The following GABRG3 variants were observed in gnomAD, a reference collection of about 807,000 sequenced individuals.
The protein encoded by GABRG3 is gamma-aminobutyric acid receptor subunit gamma-3.
GABRG3 carries 25 observed loss-of-function variants against 48.8 expected under a neutral mutation model. The ratio of observed to expected loss-of-function variants is 0.51; its 90% CI spans 0.37 to 0.72. GABRG3 has a LOEUF of 0.72. Among genes scored for constraint, GABRG3 ranks in the 30% least tolerant of loss-of-function variants. The probability of loss-of-function intolerance (pLI) is 0.00; values close to 1 mark genes in which losing one functional copy is unlikely to be tolerated. For missense variants in GABRG3, 394 were observed against 577.9 expected, an observed-to-expected ratio of 0.68 and a Z score of 3.26; for synonymous variants, 227 against 217.6, an observed-to-expected ratio of 1.04 and a Z score of -0.38.
intron 3 of GABRG3, among the ~76,000 whole-genome samples, chr15:27,109,167 T>C (rs899326799): frequency 2.0e-5 from 3 of 152,170 alleles, no homozygotes; most frequent in Non-Finnish European, 2.9e-5. Context: ...GGATATATAA[T>C]CTTTTTAATT....
chr15:26,979,144 T>A (rs1895005528), intron 2 of GABRG3, among the ~76,000 whole-genome samples: 1 of 152,234 alleles, frequency 6.6e-6, no homozygotes, highest in Non-Finnish European at 1.5e-5. Context: ...ATTTCTAATA[T>A]ACATAAATAC....
rs1463221805 is a variant in GABRG3, at chr15:27,180,994, T to C, written c.271-145815T>C. On this transcript the variant is annotated intron_variant, in intron 3 of 9. Transcript: ENST00000615808. The surrounding 1 kb of genome is among the most constrained non-coding windows in gnomAD (Gnocchi z 4.2). ...TTGTGCTGACTTCTTAGGAGGGCCG[T>C]AGTTCACAACTTCATGAGATGGCAC... Among the ~76,000 whole-genome samples, 1 of 152,152 alleles carries C rather than the reference T, an allele frequency of 6.6e-6. No individual in the cohort carries two copies. Among genetic ancestry groups the C allele is most frequent in the Admixed American group, 6.5e-5 (1 of 15,280 alleles).
At chr15:27,145,731 T>C (rs971483122) in intron 3 of GABRG3, among the ~76,000 whole-genome samples, 1 of 151,862 alleles carries the variant, frequency 6.6e-6, no homozygotes, top group African/African-American at 2.4e-5. Flanking sequence ...ATCTTCAAAC[T>C]TGATGAAAAC....
intron 3 of GABRG3, among the ~76,000 whole-genome samples, chr15:27,084,417 C>T (rs912789007): frequency 3.3e-5 from 5 of 152,212 alleles, no homozygotes; most frequent in African/African-American, 4.8e-5. Context: ...TTATTCTGCC[C>T]TGACCCTCAG....
intron 3 of GABRG3, among the ~76,000 whole-genome samples, chr15:27,032,626 T>C (rs1330340003): frequency 6.6e-6 from 1 of 152,140 alleles, no homozygotes; most frequent in Non-Finnish European, 1.5e-5. Flanking sequence ...TCTTGTGAAC[T>C]AACAGTGAGA....
chr15:27,520,191 C>A (rs1891125983), intron 7 of GABRG3, 67 bp downstream of exon 7: 2 of 1,374,908 alleles, frequency 1.5e-6, no homozygotes, highest in African/African-American at 1.5e-5. Context: ...ATAAAAAATA[C>A]CTTCAATGTA....
intron 3 of GABRG3, among the ~76,000 whole-genome samples, chr15:27,124,712 G>C (rs895605968): frequency 2.9e-4 from 44 of 152,286 alleles, no homozygotes; most frequent in African/African-American, 1.0e-3. Context: ...AGTAGACCCT[G>C]GGGGCAACAG....
chr15:27,009,940 A>C (rs1595470273), intron 2 of GABRG3, among the ~76,000 whole-genome samples: 1 of 146,600 alleles, frequency 6.8e-6, no homozygotes. Context: ...TTCTTTCTTC[A>C]TTCTTCTTTC....
At chr15:27,281,364 C>T (rs1346095913) in intron 3 of GABRG3, among the ~76,000 whole-genome samples, 1 of 151,650 alleles carries the variant, frequency 6.6e-6, no homozygotes, top group Admixed American at 6.6e-5. Context: ...GCCTGTTTTT[C>T]CAGATTAAAA....
intron 6 of GABRG3, among the ~76,000 whole-genome samples, chr15:27,513,007 G>A (rs975346588): frequency 6.6e-6 from 1 of 151,978 alleles, no homozygotes; most frequent in Non-Finnish European, 1.5e-5. Context: ...TATGATCTTG[G>A]ACCAAGTGAA....
intron 5 of GABRG3, among the ~76,000 whole-genome samples, chr15:27,381,550 C>T (rs1035370926): frequency 6.6e-6 from 1 of 152,220 alleles, no homozygotes; most frequent in African/African-American, 2.4e-5. Flanking sequence ...GAAGAGATTC[C>T]TGCTTGTGGG....
intron 3 of GABRG3, among the ~76,000 whole-genome samples, chr15:27,093,787 TA>T (rs1897231478): frequency 6.6e-6 from 1 of 152,062 alleles, no homozygotes; most frequent in South Asian, 2.1e-4. Context: ...CTTCAGAAGG[TA>T]TTGACACTAT....
At chr15:27,014,158 AT>A (rs1895736218) in intron 2 of GABRG3, among the ~76,000 whole-genome samples, 1 of 152,002 alleles carries the variant, frequency 6.6e-6, no homozygotes, top group Non-Finnish European at 1.5e-5. Flanking sequence ...ACATTCTTTC[AT>A]TTTTAAGTAT....
chr15:27,506,898 TG>T (rs1890774848), intron 6 of GABRG3, among the ~76,000 whole-genome samples: 2 of 152,062 alleles, frequency 1.3e-5, no homozygotes, highest in African/African-American at 4.8e-5. Flanking sequence ...TTTCTTAAGG[TG>T]GTAGCTTAGA....
intron 3 of GABRG3, among the ~76,000 whole-genome samples, chr15:27,271,024 G>A (rs922775309): frequency 5.3e-5 from 8 of 152,154 alleles, no homozygotes; most frequent in Non-Finnish European, 7.4e-5. Flanking sequence ...TCAAGGTCCT[G>A]GGTGGTGAGG....
At chr15:27,094,974 T>C (rs7175250) in intron 3 of GABRG3, among the ~76,000 whole-genome samples, 35,426 of 152,098 alleles carry the variant, frequency 0.23, 5,003 homozygotes, top group East Asian at 0.38. Flanking sequence ...ATTATCTGTG[T>C]CTATACCATA....
rs762342510 is a variant in GABRG3 at position 27,179,784 on chromosome 15, G to A, written c.271-147025G>A. ...GAAAGATGGAAGCCAAAGATGCACC[G>A]GGTCTTTGGAAAAGAAAACTATAAT... On this transcript the variant is annotated intron_variant, in intron 3 of 9. Transcript: ENST00000615808. This position sits in a 1 kb window ranked among gnomAD's most constrained non-coding sequence, Gnocchi z 4.0. Among the ~76,000 whole-genome samples, 16 of 152,106 alleles carry A rather than the reference G, an allele frequency of 1.1e-4. No individual in the cohort carries two copies. Among genetic ancestry groups the A allele is most frequent in the Non-Finnish European group, 2.4e-4 (16 of 68,026 alleles).
intron 6 of GABRG3, among the ~76,000 whole-genome samples, chr15:27,513,183 C>T (rs996724523): frequency 1.3e-5 from 2 of 152,098 alleles, no homozygotes; most frequent in Non-Finnish European, 2.9e-5. Flanking sequence ...CGCAGTAGCT[C>T]ATGCCTGTAA....
intron 2 of GABRG3, among the ~76,000 whole-genome samples, chr15:27,020,712 C>G (rs541824457): frequency 5.3e-5 from 8 of 152,150 alleles, no homozygotes; most frequent in Admixed American, 2.6e-4. Flanking sequence ...CCACCGCGCC[C>G]GGCCTGTTGT....
Sources: allele counts gnomAD v4.1 joint callset (sites outside exome capture counted in the v4.1 genomes callset), GRCh38; gene constraint gnomAD v4.1.1; non-coding constraint Gnocchi (gnomAD v3.1); transcripts MANE v1.5; gene names NCBI Gene and HGNC (gene_info 2026-07-23, HGNC 2026-07-21).